TTLL11: variants seen among roughly 807,000 people sequenced by gnomAD.
TTLL11 encodes tubulin polyglutamylase TTLL11.
In TTLL11, 42 loss-of-function variants were observed where a neutral mutation model predicts 51.7. That is an observed-to-expected ratio of 0.81 (90% CI 0.64 to 1.05). The LOEUF is 1.05. TTLL11 is among the 50% of genes least tolerant of loss of function. The probability of loss-of-function intolerance (pLI) is 0.00; values close to 1 mark genes in which losing one functional copy is unlikely to be tolerated. For synonymous variants in TTLL11, 381 were observed against 383.5 expected, an observed-to-expected ratio of 0.99 and a Z score of 0.08; for missense variants, 799 against 940.4, an observed-to-expected ratio of 0.85 and a Z score of 1.97.
At chr9:121,840,393 C>T (rs9886709) in intron 8 of TTLL11, among the ~76,000 whole-genome samples, 9,016 of 152,148 alleles carry the variant, frequency 0.059, 735 homozygotes, top group African/African-American at 0.19. Context: ...GATCATACAG[C>T]TTCTTTTTTC....
At chr9:121,845,207 A>T (rs1253885165) in intron 8 of TTLL11, among the ~76,000 whole-genome samples, 1 of 152,178 alleles carries the variant, frequency 6.6e-6, no homozygotes, top group African/African-American at 2.4e-5. Context: ...CAAGAATTAC[A>T]CCAGCCATCT....
Position 121,997,523 on chromosome 9 carries a change from T to C in TTLL11, c.694-7753A>G, listed in dbSNP as rs140355148. 3.2e-3 allele frequency among the ~76,000 whole-genome samples: 494 copies of C among 152,180 alleles called. 4 individuals are homozygous for C. Among genetic ancestry groups the C allele is most frequent in the African/African-American group, 0.011 (463 of 41,512 alleles). ...GGGGGCCCTCAGACTGCAGCTTCCC[T>C]TTACCTCCTCCGAGTCCACATACTG... On this transcript the variant is annotated intron_variant, in intron 3 of 8. Coordinates refer to ENST00000321582, the MANE Select transcript of TTLL11 (RefSeq NM_001139442.2).
intron 4 of TTLL11, among the ~76,000 whole-genome samples, chr9:121,983,119 G>C (rs77506381): frequency 0.016 from 2,401 of 152,298 alleles, 45 homozygotes; most frequent in African/African-American, 0.052. Context: ...GGTTACATTT[G>C]GGAATATTTT....
chr9:122,086,272 C>A (rs1437601309), intron 1 of TTLL11, among the ~76,000 whole-genome samples: 1 of 152,038 alleles, frequency 6.6e-6, no homozygotes, highest in African/African-American at 2.4e-5. Context: ...AAGCTATTAC[C>A]CGAATTGTAT....
chr9:122,040,324 T>C, intron 1 of TTLL11: 1 of 984,720 alleles, frequency 1.0e-6, no homozygotes. Flanking sequence ...AAAATCTTGT[T>C]TGGCACAAGC....
intron 6 of TTLL11, among the ~76,000 whole-genome samples, chr9:121,964,943 T>C (rs1842357852): frequency 6.6e-6 from 1 of 152,206 alleles, no homozygotes; most frequent in Non-Finnish European, 1.5e-5. Context: ...CTTACAGATA[T>C]TGATGCGTGG....
chr9:121,957,539 G>A (rs1019054505), intron 6 of TTLL11, among the ~76,000 whole-genome samples: 21 of 152,146 alleles, frequency 1.4e-4, no homozygotes, highest in African/African-American at 4.3e-4. Flanking sequence ...TTATACCCTG[G>A]CAAGTGGGCC....
chr9:121,873,927 C>A (rs761377847), intron 6 of TTLL11, among the ~76,000 whole-genome samples: 3 of 148,984 alleles, frequency 2.0e-5, no homozygotes, highest in African/African-American at 7.5e-5. Flanking sequence ...CCACTGCAAC[C>A]TCTGCCTCCT....
intron 3 of TTLL11, among the ~76,000 whole-genome samples, chr9:121,999,252 C>A (rs527410856): frequency 6.6e-6 from 1 of 152,318 alleles, no homozygotes; most frequent in East Asian, 1.9e-4. Context: ...TCCTGGACTT[C>A]AGTTAAAGTA....
At chr9:122,048,397 C>T (rs1355779512) in intron 1 of TTLL11, among the ~76,000 whole-genome samples, 13 of 152,138 alleles carry the variant, frequency 8.5e-5, no homozygotes, top group African/African-American at 3.1e-4. Flanking sequence ...AAACTCCTGG[C>T]CTCAAACGGT....
intron 6 of TTLL11, among the ~76,000 whole-genome samples, chr9:121,959,641 C>T (rs890113522): frequency 2.0e-5 from 3 of 152,152 alleles, no homozygotes; most frequent in Non-Finnish European, 2.9e-5. Context: ...CCCACATGAC[C>T]GACATCCCCC....
intron 2 of TTLL11, among the ~76,000 whole-genome samples, chr9:122,035,188 C>G (rs1433510052): frequency 6.6e-6 from 1 of 152,208 alleles, no homozygotes; most frequent in African/African-American, 2.4e-5. Context: ...CTGGAATCCT[C>G]CTGTCTGTGA....
intron 1 of TTLL11, among the ~76,000 whole-genome samples, chr9:122,092,174 G>T (rs116883008): frequency 1.8e-4 from 27 of 152,176 alleles, no homozygotes; most frequent in African/African-American, 6.3e-4. Context: ...TACAGAGAAG[G>T]TAATAGGCTG....
At chr9:121,915,079 C>T (rs1202551196) in intron 6 of TTLL11, among the ~76,000 whole-genome samples, 1 of 152,190 alleles carries the variant, frequency 6.6e-6, no homozygotes, top group African/African-American at 2.4e-5. Context: ...AACCTCTCTC[C>T]TCACAGAACA....
chr9:121,884,277 C>G (rs1057452223), intron 6 of TTLL11, among the ~76,000 whole-genome samples: 1 of 152,190 alleles, frequency 6.6e-6, no homozygotes, highest in Non-Finnish European at 1.5e-5. Flanking sequence ...AATTATTACC[C>G]CACTTGACCG....
At chr9:122,058,908 C>CA (rs1845368273) in intron 1 of TTLL11, among the ~76,000 whole-genome samples, 1 of 152,186 alleles carries the variant, frequency 6.6e-6, no homozygotes, top group South Asian at 2.1e-4. Flanking sequence ...GATAATGAGG[C>CA]AATTGCATTA....
intron 8 of TTLL11, among the ~76,000 whole-genome samples, chr9:121,833,231 A>G (rs897055669): frequency 6.6e-6 from 1 of 152,170 alleles, no homozygotes; most frequent in Non-Finnish European, 1.5e-5. Flanking sequence ...CCTTCGAAAC[A>G]TTCCAGTTGC....
rs1372764806 is a variant in TTLL11 at position 122,092,735 on chromosome 9, G to T, written c.414C>A (p.Thr138=). ...TGCTGATCTTCAGGGCATCCAGGGA[G>T]GTCCTGGCCTTGGAGCTGTCCACGG... The part of the protein sequence containing the change: ...PVTVDSSKAR[T]SLDALKISIR... Residue 138 remains threonine, a synonymous_variant, in exon 1 of 9, where the codon ACC becomes ACA. Transcript: ENST00000321582. 6.5e-7 allele frequency: 1 copy of T among 1,538,058 alleles called. No homozygotes were observed.
At chr9:122,007,174 A>AT (rs1380490384) in intron 3 of TTLL11, among the ~76,000 whole-genome samples, 1 of 152,064 alleles carries the variant, frequency 6.6e-6, no homozygotes, top group African/African-American at 2.4e-5. Flanking sequence ...CCCCTGTAGC[A>AT]ATAAGCACAC....
Sources: gnomAD v4.1 joint callset for allele counts (sites outside exome capture counted in the v4.1 genomes callset) on GRCh38, gnomAD v4.1.1 for gene constraint, MANE v1.5 for transcripts, NCBI Gene and HGNC (gene_info 2026-07-23, HGNC 2026-07-21) for gene names.